The following KHDRBS2 variants were observed in gnomAD, a reference collection of about 807,000 sequenced individuals.
The protein encoded by KHDRBS2 is KH domain-containing, RNA-binding, signal transduction-associated protein 2.
KHDRBS2 carries 26 observed loss-of-function variants against 44.3 expected under a neutral mutation model. The observed-to-expected ratio is 0.59, with a 90% confidence interval of 0.43 to 0.81. KHDRBS2 has a LOEUF of 0.81. Among genes scored for constraint, KHDRBS2 ranks in the 40% least tolerant of loss-of-function variants. The pLI is 0.00. For synonymous variants in KHDRBS2, 194 were observed against 151.1 expected, an observed-to-expected ratio of 1.28 and a Z score of -2.08; for missense variants, 476 against 433.1, an observed-to-expected ratio of 1.10 and a Z score of -0.88.
the KHDRBS2 span, among the ~76,000 whole-genome samples, chr6:61,666,487 T>A: frequency 6.6e-6 from 1 of 151,342 alleles, no homozygotes. Flanking sequence ...AATTTGCAAC[T>A]TAGGGTCCAC....
chr6:62,215,144 G>C (rs1829761953), intron 1 of KHDRBS2, among the ~76,000 whole-genome samples: 1 of 151,788 alleles, frequency 6.6e-6, no homozygotes, highest in Non-Finnish European at 1.5e-5. Context: ...GCAGCAGAAA[G>C]ACAAAAATAT....
chr6:62,093,428 G>A (rs1584649833), intron 2 of KHDRBS2, among the ~76,000 whole-genome samples: 1 of 151,784 alleles, frequency 6.6e-6, no homozygotes, highest in African/African-American at 2.4e-5. Context: ...GTTATGTAAT[G>A]ATCAAATCAG....
At chr6:62,168,095 A>G (rs1819083103) in intron 2 of KHDRBS2, among the ~76,000 whole-genome samples, 1 of 152,190 alleles carries the variant, frequency 6.6e-6, no homozygotes, top group African/African-American at 2.4e-5. Flanking sequence ...AGAAGTATAG[A>G]GCAAGTGAGA....
intron 2 of KHDRBS2, among the ~76,000 whole-genome samples, chr6:62,116,799 C>A (rs747321452): frequency 1.3e-5 from 2 of 152,096 alleles, no homozygotes; most frequent in African/African-American, 4.8e-5. Flanking sequence ...GTAACTATCA[C>A]TCTACTCCCT....
intron 7 of KHDRBS2, among the ~76,000 whole-genome samples, chr6:61,698,719 C>T (rs1768205766): frequency 6.6e-6 from 1 of 152,052 alleles, no homozygotes; most frequent in Admixed American, 6.6e-5. Context: ...CTAACACTTT[C>T]TCCTTGCTCA....
chr6:62,068,944 C>A (rs879677995), intron 2 of KHDRBS2, among the ~76,000 whole-genome samples: 3 of 151,430 alleles, frequency 2.0e-5, no homozygotes. Context: ...CTTTAAATTT[C>A]TTTTTCATTT....
At chr6:62,147,181 A>G (rs1406031660) in intron 2 of KHDRBS2, among the ~76,000 whole-genome samples, 2 of 151,720 alleles carry the variant, frequency 1.3e-5, no homozygotes, top group Non-Finnish European at 2.9e-5. Flanking sequence ...GTTCCAGTTT[A>G]GAAGTTTGCA....
chr6:61,637,885 GT>G, the KHDRBS2 span, among the ~76,000 whole-genome samples: 2 of 151,956 alleles, frequency 1.3e-5, no homozygotes, highest in Admixed American at 1.3e-4. Flanking sequence ...GGGGGTGTTT[GT>G]TTTTTTCTTG....
chr6:62,234,306 C>T (rs577961182), intron 1 of KHDRBS2, among the ~76,000 whole-genome samples: 24 of 152,162 alleles, frequency 1.6e-4, no homozygotes, highest in Admixed American at 4.6e-4. Context: ...TCTCTCCCTT[C>T]GTGCAATATA....
At chr6:62,113,214 T>C (rs1323429375) in intron 2 of KHDRBS2, among the ~76,000 whole-genome samples, 1 of 152,102 alleles carries the variant, frequency 6.6e-6, no homozygotes, top group African/African-American at 2.4e-5. Context: ...GCACATATTA[T>C]GTCCCATATT....
intron 6 of KHDRBS2, among the ~76,000 whole-genome samples, chr6:61,773,515 T>C (rs1423376409): frequency 1.3e-5 from 2 of 152,052 alleles, no homozygotes; most frequent in Non-Finnish European, 2.9e-5. Flanking sequence ...TAAATTTGTT[T>C]TGAGTTCATT....
chr6:61,781,937 T>G lies in KHDRBS2; in HGVS notation c.811-49173A>C, dbSNP rs898731775. ...CTGAGCACCTATAATGATGCTTCTA[T>G]GCCAAATTAAGAATTTTGGACAAAT... On this transcript the variant is annotated intron_variant, in intron 6 of 8. Coordinates refer to ENST00000281156, the MANE Select transcript of KHDRBS2 (RefSeq NM_152688.4). Among the ~76,000 whole-genome samples, 5 of 152,208 alleles carry G rather than the reference T, an allele frequency of 3.3e-5. No individual in the cohort carries two copies. The South Asian group carries it at 6.2e-4, about 19-fold the overall frequency.
intron 4 of KHDRBS2, among the ~76,000 whole-genome samples, chr6:61,940,939 A>G (rs1258782478): frequency 6.6e-6 from 1 of 152,170 alleles, no homozygotes; most frequent in African/African-American, 2.4e-5. Flanking sequence ...AGGATGTTCA[A>G]CACCAAAAAC....
At chr6:61,720,892 T>C (rs1161958798) in intron 7 of KHDRBS2, among the ~76,000 whole-genome samples, 2 of 151,170 alleles carry the variant, frequency 1.3e-5, no homozygotes, top group Admixed American at 6.6e-5. Context: ...GGTTTTCTTC[T>C]AGGGTTTTTA....
intron 8 of KHDRBS2, among the ~76,000 whole-genome samples, chr6:61,696,043 T>C (rs1767864888): frequency 6.6e-6 from 1 of 151,764 alleles, no homozygotes; most frequent in Admixed American, 6.6e-5. Context: ...TTCGCAGGCA[T>C]GATCATTGCA....
the KHDRBS2 span, among the ~76,000 whole-genome samples, chr6:61,584,371 T>C: frequency 1.3e-5 from 2 of 151,848 alleles, no homozygotes; most frequent in Non-Finnish European, 3.0e-5. Context: ...CTCAAATAGC[T>C]TGAGGAAGTT....
chr6:61,997,849 A>G (rs908791537), intron 3 of KHDRBS2, among the ~76,000 whole-genome samples: 1 of 152,178 alleles, frequency 6.6e-6, no homozygotes, highest in Non-Finnish European at 1.5e-5. Flanking sequence ...ACACGATTCT[A>G]TAAGAAATGT....
intron 2 of KHDRBS2, among the ~76,000 whole-genome samples, chr6:62,095,242 G>T (rs1450419115): frequency 1.3e-5 from 2 of 151,668 alleles, no homozygotes; most frequent in Non-Finnish European, 3.0e-5. Context: ...ATTTAACCAA[G>T]AAAGTAAAAG....
At position 61,696,533 on chromosome 6, in the gene KHDRBS2, A is replaced by T. The variant is rs552212837; in HGVS notation, c.952+662T>A. Among the ~76,000 whole-genome samples, 3 of 152,224 alleles carry T rather than the reference A, an allele frequency of 2.0e-5. No homozygotes were observed. In the East Asian group the frequency reaches 5.8e-4, roughly 29 times the overall value. On this transcript the variant is annotated intron_variant, in intron 8 of 8. Coordinates refer to ENST00000281156, the MANE Select transcript of KHDRBS2 (RefSeq NM_152688.4). ...CAGCCTCCCAAAGTGCCAGGATTAC[A>T]GGGGTGAGCCACCACGCCCGGCCAC...
Sources: gnomAD v4.1 joint callset for allele counts (sites outside exome capture counted in the v4.1 genomes callset) on GRCh38, gnomAD v4.1.1 for gene constraint, MANE v1.5 for transcripts, NCBI Gene and HGNC (gene_info 2026-07-23, HGNC 2026-07-21) for gene names.